The following RGS6 variants were observed in gnomAD, a reference collection of about 807,000 sequenced individuals.
RGS6 encodes regulator of G protein signaling 6.
In RGS6, 30 loss-of-function variants were observed where a neutral mutation model predicts 78.5. That is an observed-to-expected ratio of 0.38 (90% CI 0.29 to 0.52). The LOEUF is 0.52. Ranked by LOEUF, RGS6 falls within the 20% of genes least tolerant of loss-of-function variation. The pLI, the probability that RGS6 is intolerant of heterozygous loss-of-function variation, is 0.85. For synonymous variants in RGS6, 206 were observed against 206.0 expected, an observed-to-expected ratio of 1.00 and a Z score of 0.00; for missense variants, 495 against 609.7, an observed-to-expected ratio of 0.81 and a Z score of 1.98.
chr14:72,331,541 G>T (rs1437424323), intron 2 of RGS6, among the ~76,000 whole-genome samples: 1 of 152,190 alleles, frequency 6.6e-6, no homozygotes, highest in Non-Finnish European at 1.5e-5. Flanking sequence ...TCGGCCGGGA[G>T]CTGCCTCACC....
chr14:71,994,950 C>T (rs1294218822), intron 2 of RGS6, among the ~76,000 whole-genome samples: 2 of 152,184 alleles, frequency 1.3e-5, no homozygotes, highest in Non-Finnish European at 2.9e-5. Context: ...ACCGTCCTTA[C>T]AGCCAGCAAG....
At chr14:72,023,724 C>T (rs1386727271) in intron 2 of RGS6, among the ~76,000 whole-genome samples, 1 of 152,170 alleles carries the variant, frequency 6.6e-6, no homozygotes, top group African/African-American at 2.4e-5. Context: ...AAGCCTTCCT[C>T]AGGGGAAAAT....
chr14:72,112,504 T>C (rs895271059), intron 2 of RGS6, among the ~76,000 whole-genome samples: 2 of 152,212 alleles, frequency 1.3e-5, no homozygotes, highest in Non-Finnish European at 2.9e-5. Flanking sequence ...AGGCCTGTCA[T>C]ATCATAGAAA....
At chr14:72,350,105 C>T (rs2078836670) in intron 2 of RGS6, among the ~76,000 whole-genome samples, 1 of 152,172 alleles carries the variant, frequency 6.6e-6, no homozygotes, top group African/African-American at 2.4e-5. Context: ...ATAAAACTCC[C>T]TCTTCAGTTT....
intron 3 of RGS6, among the ~76,000 whole-genome samples, chr14:72,388,860 C>T (rs1180742919): frequency 1.3e-5 from 2 of 152,126 alleles, no homozygotes; most frequent in East Asian, 3.8e-4. Flanking sequence ...CTTCATGTGG[C>T]TGTTGGGAGG....
intron 2 of RGS6, among the ~76,000 whole-genome samples, chr14:72,262,645 C>T (rs1045934056): frequency 2.0e-4 from 31 of 152,302 alleles, no homozygotes; most frequent in African/African-American, 6.0e-4. Flanking sequence ...AAAGTGTTCT[C>T]TTCTGCAAGT....
intron 2 of RGS6, among the ~76,000 whole-genome samples, chr14:72,076,669 T>C (rs1446674542): frequency 6.6e-6 from 1 of 152,016 alleles, no homozygotes; most frequent in Non-Finnish European, 1.5e-5. Context: ...GCTGGGACTA[T>C]AGACACGTGC....
At chr14:72,353,890 A>T (rs1478133513) in intron 3 of RGS6, among the ~76,000 whole-genome samples, 3 of 152,080 alleles carry the variant, frequency 2.0e-5, no homozygotes, top group Non-Finnish European at 2.9e-5. Flanking sequence ...AGACTGAGGC[A>T]GGAGAATCAC....
rs1746951743 is a variant in RGS6 at position 72,344,714 on chromosome 14, A to AGAGCGATC, written c.85-7379_85-7372dup. ...CTAATGGGTGATACAAATGCAAATT[A>AGAGCGATC]GAGCGATCGTTGATATGGAGAAAAG... On this transcript the variant is annotated intron_variant, in intron 2 of 17. Coordinates refer to ENST00000553525, the MANE Select transcript of RGS6 (RefSeq NM_001204424.2). 2.0e-5 allele frequency among the ~76,000 whole-genome samples: 3 copies of AGAGCGATC among 152,228 alleles called. 1 individual carries two copies. In the South Asian group the frequency reaches 6.2e-4, roughly 32 times the overall value.
At chr14:72,168,542 A>T (rs575009450) in intron 2 of RGS6, among the ~76,000 whole-genome samples, 1 of 152,362 alleles carries the variant, frequency 6.6e-6, no homozygotes, top group East Asian at 1.9e-4. Context: ...GGCGTAAGAT[A>T]TCTCATCAAT....
chr14:72,331,522 C>T (rs1306923734), intron 2 of RGS6, among the ~76,000 whole-genome samples: 1 of 152,150 alleles, frequency 6.6e-6, no homozygotes, highest in Non-Finnish European at 1.5e-5. Flanking sequence ...GCTGCATCTC[C>T]ACTTGGTGTC....
At chr14:72,555,978 G>A (rs1295903821) in intron 17 of RGS6, among the ~76,000 whole-genome samples, 1 of 152,170 alleles carries the variant, frequency 6.6e-6, no homozygotes, top group East Asian at 1.9e-4. Context: ...GAGGAGAGAG[G>A]GTCCATGAGC....
At chr14:72,549,612 A>C (rs888317369) in intron 17 of RGS6, among the ~76,000 whole-genome samples, 3 of 152,208 alleles carry the variant, frequency 2.0e-5, no homozygotes, top group African/African-American at 7.2e-5. Context: ...CTGTAATCCG[A>C]GCACTTTGGG....
chr14:72,539,806 C>T (rs755895124), intron 16 of RGS6, among the ~76,000 whole-genome samples: 14 of 152,224 alleles, frequency 9.2e-5, no homozygotes, highest in Non-Finnish European at 1.9e-4. Flanking sequence ...CAAAGCCCCC[C>T]TCTCTGCTCC....
intron 2 of RGS6, among the ~76,000 whole-genome samples, chr14:72,174,689 A>G (rs1210600260): frequency 6.6e-6 from 1 of 152,136 alleles, no homozygotes; most frequent in Non-Finnish European, 1.5e-5. Flanking sequence ...CCTGCAAGCT[A>G]GGAGCCTCCC....
intron 2 of RGS6, among the ~76,000 whole-genome samples, chr14:72,173,926 T>G (rs1368306638): frequency 4.6e-5 from 7 of 152,138 alleles, no homozygotes; most frequent in Non-Finnish European, 7.4e-5. Context: ...GTAAAGAGGA[T>G]AATACACTCT....
chr14:72,039,769 T>G (rs534411736), intron 2 of RGS6, among the ~76,000 whole-genome samples: 9 of 151,516 alleles, frequency 5.9e-5, no homozygotes, highest in Admixed American at 5.3e-4. Context: ...TATTCCTCTT[T>G]TCCTTTTTCC....
intron 1 of RGS6, among the ~76,000 whole-genome samples, chr14:71,946,371 G>A (rs139275518): frequency 6.6e-5 from 10 of 152,224 alleles, no homozygotes; most frequent in Middle Eastern, 3.4e-3. Flanking sequence ...TTGCGGGGGC[G>A]GGATGTTCCG....
intron 7 of RGS6, among the ~76,000 whole-genome samples, chr14:72,467,961 C>G (rs576731298): frequency 6.6e-6 from 1 of 152,166 alleles, no homozygotes; most frequent in African/African-American, 2.4e-5. Context: ...GGGGCCCCTC[C>G]CTCCTGTGTG....
Sources: allele counts gnomAD v4.1 joint callset (sites outside exome capture counted in the v4.1 genomes callset), GRCh38; gene constraint gnomAD v4.1.1; transcripts MANE v1.5; gene names NCBI Gene and HGNC (gene_info 2026-07-23, HGNC 2026-07-21).